KCNQ3: variants seen among roughly 807,000 people sequenced by gnomAD.
The protein encoded by KCNQ3 is potassium voltage-gated channel subfamily KQT member 3.
Under a neutral mutation model 92.5 loss-of-function variants are expected in KCNQ3, and 30 were observed. The ratio of observed to expected loss-of-function variants is 0.32; its 90% confidence interval spans 0.24 to 0.44. The LOEUF (loss-of-function observed/expected upper bound fraction) is 0.44, where lower values mean the gene tolerates loss of function less well. Ranked by LOEUF, KCNQ3 falls within the 20% of genes least tolerant of loss-of-function variation. KCNQ3 has a pLI of 1.00. For synonymous variants in KCNQ3, 450 were observed against 468.8 expected (o/e 0.96, Z 0.52); for missense variants, 913 against 1,140.3 (o/e 0.80, Z 2.87).
intron 9 of KCNQ3, among the ~76,000 whole-genome samples, chr8:132,159,018 G>A (rs573601078): frequency 1.3e-5 from 2 of 152,252 alleles, no homozygotes; most frequent in South Asian, 4.2e-4. Context: ...CTGGGCTCAG[G>A]CAAGCAACTG....
At chr8:132,398,927 G>A (rs1005927676) in intron 1 of KCNQ3, among the ~76,000 whole-genome samples, 1 of 152,196 alleles carries the variant, frequency 6.6e-6, no homozygotes, top group Non-Finnish European at 1.5e-5. Context: ...AGGCTGCAGT[G>A]GTGAGCCCAG....
intron 1 of KCNQ3, among the ~76,000 whole-genome samples, chr8:132,407,131 G>C (rs1369338818): frequency 6.6e-6 from 1 of 152,188 alleles, no homozygotes; most frequent in Non-Finnish European, 1.5e-5. Context: ...GGAAGAGAGA[G>C]AAAAAGAGGG....
intron 1 of KCNQ3, among the ~76,000 whole-genome samples, chr8:132,277,243 G>A (rs1031788041): frequency 1.3e-5 from 2 of 152,120 alleles, no homozygotes; most frequent in African/African-American, 4.8e-5. Flanking sequence ...CAGAGATGTC[G>A]AACAACCTGC....
At chr8:132,223,608 A>C (rs1447953775) in intron 1 of KCNQ3, among the ~76,000 whole-genome samples, 3 of 152,236 alleles carry the variant, frequency 2.0e-5, no homozygotes, top group Non-Finnish European at 4.4e-5. Flanking sequence ...TAGTGCAATG[A>C]ATGGCATTAA....
At chr8:132,183,211 A>G (rs1826849053) in intron 3 of KCNQ3, among the ~76,000 whole-genome samples, 1 of 152,198 alleles carries the variant, frequency 6.6e-6, no homozygotes, top group African/African-American at 2.4e-5. Flanking sequence ...AGAATGCGTG[A>G]TGTAAGGTAA....
intron 1 of KCNQ3, among the ~76,000 whole-genome samples, chr8:132,462,949 C>A (rs1221263753): frequency 6.6e-6 from 1 of 152,186 alleles, no homozygotes; most frequent in East Asian, 1.9e-4. Flanking sequence ...TACACACACA[C>A]ACACGTATAC....
chr8:132,130,068 A>G, intron 14 of KCNQ3, 72 bp from the exon 15 acceptor site: 8 of 1,488,446 alleles, frequency 5.4e-6, no homozygotes, highest in Non-Finnish European at 5.5e-6. Flanking sequence ...GTTGGGAGGA[A>G]ATATTCTTTT....
intron 1 of KCNQ3, among the ~76,000 whole-genome samples, chr8:132,346,934 C>A (rs1343961906): frequency 6.6e-6 from 1 of 152,184 alleles, no homozygotes; most frequent in Non-Finnish European, 1.5e-5. Context: ...ATAGTATAGA[C>A]TAGGCTAAAG....
intron 1 of KCNQ3, among the ~76,000 whole-genome samples, chr8:132,418,129 G>GT (rs1820870539): frequency 1.3e-5 from 2 of 152,156 alleles, no homozygotes. Context: ...GGCAGTGCTG[G>GT]TTTTTTTCTG....
intron 4 of KCNQ3, among the ~76,000 whole-genome samples, chr8:132,177,019 G>A (rs757028823): frequency 1.1e-4 from 16 of 152,322 alleles, no homozygotes; most frequent in Non-Finnish European, 2.1e-4. Flanking sequence ...GGACGGAAAC[G>A]TACATGGACT....
At chr8:132,286,238 A>G (rs1210151010) in intron 1 of KCNQ3, among the ~76,000 whole-genome samples, 1 of 152,210 alleles carries the variant, frequency 6.6e-6, no homozygotes, top group Non-Finnish European at 1.5e-5. Flanking sequence ...ACCAGGATGT[A>G]ACTCTACCCA....
Position 132,480,290 on chromosome 8 carries a change from G to T in KCNQ3, c.243C>A (p.Thr81=). 5 of 1,608,210 alleles carry T rather than the reference G, an allele frequency of 3.1e-6. No homozygotes were observed. The highest frequency in any genetic ancestry group is 4.2e-6 in the Non-Finnish European group (5 of 1,177,256). ...TGGCCAGGAGCCCGATGCCCTGCGG[G>T]GTCCTCCGCTGCCCCTCGTCGCGGC... ...GGGRDEGQRR[T]PQGIGLLAKT... is the part of the protein sequence containing the mutation. The change falls in exon 1 of 15, where the codon ACC becomes ACA. Residue 81 remains threonine (T), a synonymous_variant. Coordinates refer to ENST00000388996, the MANE Select transcript of KCNQ3 (RefSeq NM_004519.4).
chr8:132,223,033 C>T (rs767086142), intron 1 of KCNQ3, among the ~76,000 whole-genome samples: 6 of 152,180 alleles, frequency 3.9e-5, no homozygotes, highest in Non-Finnish European at 8.8e-5. Flanking sequence ...GCAAAGGCTA[C>T]AGTGTGGGTG....
intron 1 of KCNQ3, among the ~76,000 whole-genome samples, chr8:132,352,605 C>G (rs1818906998): frequency 6.6e-6 from 1 of 152,202 alleles, no homozygotes; most frequent in African/African-American, 2.4e-5. Context: ...CTGGGGGTGA[C>G]AGATCGGACC....
chr8:132,427,154 C>T (rs1043675745), intron 1 of KCNQ3, among the ~76,000 whole-genome samples: 1 of 152,126 alleles, frequency 6.6e-6, no homozygotes, highest in Non-Finnish European at 1.5e-5. Context: ...ATTAGTGATG[C>T]CTATGATTGA....
At chr8:132,211,580 C>T (rs1312906622) in intron 1 of KCNQ3, among the ~76,000 whole-genome samples, 2 of 152,172 alleles carry the variant, frequency 1.3e-5, no homozygotes, top group Non-Finnish European at 2.9e-5. Context: ...CCCTCACTGA[C>T]TGATGAGTTA....
intron 1 of KCNQ3, among the ~76,000 whole-genome samples, chr8:132,251,967 C>T (rs1258660345): frequency 2.0e-5 from 3 of 152,224 alleles, no homozygotes; most frequent in African/African-American, 7.2e-5. Context: ...CCTTTCTCAT[C>T]TTCTGGATCC....
At chr8:132,157,326 A>G (rs1586781772) in intron 9 of KCNQ3, among the ~76,000 whole-genome samples, 1 of 152,328 alleles carries the variant, frequency 6.6e-6, no homozygotes, top group East Asian at 1.9e-4. Context: ...TTTTGAAGTC[A>G]TAAAAATGCA....
intron 9 of KCNQ3, among the ~76,000 whole-genome samples, chr8:132,146,245 A>G (rs1319545267): frequency 1.3e-5 from 2 of 152,270 alleles, no homozygotes; most frequent in African/African-American, 2.4e-5. Context: ...AATGTTGTCC[A>G]TCAGTGGATA....
Sources: allele counts gnomAD v4.1 joint callset (sites outside exome capture counted in the v4.1 genomes callset), GRCh38; gene constraint gnomAD v4.1.1; transcripts MANE v1.5; gene names NCBI Gene and HGNC (gene_info 2026-07-23, HGNC 2026-07-21).